Variants in SAMTOR observed in about 807,000 individuals in gnomAD.
The protein encoded by SAMTOR is S-adenosylmethionine sensor upstream of mTORC1, also known as UPF0532 protein C7orf60.
the SAMTOR span, among the ~76,000 whole-genome samples, chr7:112,826,906 T>C: frequency 2.0e-5 from 3 of 152,186 alleles, no homozygotes; most frequent in Non-Finnish European, 4.4e-5. Flanking sequence ...GAAATCTCTA[T>C]AATTTTATCA....
At chr7:112,902,026 A>C in the SAMTOR span, among the ~76,000 whole-genome samples, 7 of 152,178 alleles carry the variant, frequency 4.6e-5, no homozygotes, top group African/African-American at 1.7e-4. Flanking sequence ...AAGTAAAAGA[A>C]GCCAATCAGA....
At chr7:112,886,909 G>A in the SAMTOR span, among the ~76,000 whole-genome samples, 7 of 152,298 alleles carry the variant, frequency 4.6e-5, no homozygotes, top group South Asian at 1.2e-3. Flanking sequence ...GCTCACTCCT[G>A]TAATCCCAGC....
the SAMTOR span, among the ~76,000 whole-genome samples, chr7:112,901,026 A>G: frequency 6.6e-6 from 1 of 152,236 alleles, no homozygotes; most frequent in Non-Finnish European, 1.5e-5. Context: ...TGTAAAAGAA[A>G]AAATTGATAA....
At chr7:112,916,945 T>A in the SAMTOR span, among the ~76,000 whole-genome samples, 1 of 152,140 alleles carries the variant, frequency 6.6e-6, no homozygotes, top group East Asian at 1.9e-4. Context: ...GCAGGGAAGC[T>A]CGAACTGGGT....
At chr7:112,871,984 G>T in the SAMTOR span, among the ~76,000 whole-genome samples, 1 of 152,082 alleles carries the variant, frequency 6.6e-6, no homozygotes, top group African/African-American at 2.4e-5. Context: ...TTCCGAAATT[G>T]AATCAGTAAT....
chr7:112,881,367 C>A, the SAMTOR span, among the ~76,000 whole-genome samples: 1 of 152,176 alleles, frequency 6.6e-6, no homozygotes, highest in Non-Finnish European at 1.5e-5. Context: ...TCAACTCAGC[C>A]AGGGGGCTGA....
the SAMTOR span, among the ~76,000 whole-genome samples, chr7:112,845,656 C>T: frequency 1.3e-5 from 2 of 152,186 alleles, no homozygotes; most frequent in African/African-American, 2.4e-5. Context: ...TTAGTTCAAC[C>T]GTTATGGAAA....
the SAMTOR span, among the ~76,000 whole-genome samples, chr7:112,870,347 C>G: frequency 6.6e-6 from 1 of 151,998 alleles, no homozygotes; most frequent in Admixed American, 6.5e-5. Context: ...AGAAATCTTA[C>G]AAGCCATAAG....
At chr7:112,917,197 AC>A in the SAMTOR span, among the ~76,000 whole-genome samples, 1 of 152,034 alleles carries the variant, frequency 6.6e-6, no homozygotes, top group Admixed American at 6.5e-5. Flanking sequence ...CCTGGGAGGC[AC>A]CCCCCAGTAG....
the SAMTOR span, among the ~76,000 whole-genome samples, chr7:112,932,110 A>C: frequency 6.6e-6 from 1 of 151,966 alleles, no homozygotes; most frequent in Non-Finnish European, 1.5e-5. Context: ...TATTTTTAGT[A>C]GAGACAGGGT....
chr7:112,842,877 T>C, the SAMTOR span, among the ~76,000 whole-genome samples: 1 of 152,010 alleles, frequency 6.6e-6, no homozygotes, highest in Non-Finnish European at 1.5e-5. Context: ...TACTTCCACA[T>C]TAATATATGC....
At chr7:112,922,778 G>A in the SAMTOR span, among the ~76,000 whole-genome samples, 24 of 152,074 alleles carry the variant, frequency 1.6e-4, no homozygotes, top group African/African-American at 5.5e-4. Context: ...CTGTCTGGGA[G>A]GGAGGTGGGG....
At chr7:112,905,964 C>A in the SAMTOR span, among the ~76,000 whole-genome samples, 1 of 151,982 alleles carries the variant, frequency 6.6e-6, no homozygotes, top group African/African-American at 2.4e-5. Flanking sequence ...ACAGATACAC[C>A]TTGACAACCC....
chr7:112,901,602 A>G, the SAMTOR span, among the ~76,000 whole-genome samples: 1 of 152,256 alleles, frequency 6.6e-6, no homozygotes, highest in African/African-American at 2.4e-5. Flanking sequence ...CACTCCAGTC[A>G]ATGGAAAAAT....
chr7:112,924,202 A>T, the SAMTOR span, among the ~76,000 whole-genome samples: 5 of 152,204 alleles, frequency 3.3e-5, no homozygotes, highest in East Asian at 9.6e-4. Flanking sequence ...ATAATAATAA[A>T]AAAAAGAAAA....
chr7:112,905,052 C>A, the SAMTOR span, among the ~76,000 whole-genome samples: 3 of 152,180 alleles, frequency 2.0e-5, no homozygotes, highest in Non-Finnish European at 4.4e-5. Flanking sequence ...TTCCCCACTA[C>A]TAAATCAACT....
At chr7:112,833,971 T>C in the SAMTOR span, among the ~76,000 whole-genome samples, 1 of 152,202 alleles carries the variant, frequency 6.6e-6, no homozygotes, top group Non-Finnish European at 1.5e-5. Flanking sequence ...CCTATTTTAG[T>C]CACTTATCCT....
the SAMTOR span, chr7:112,939,478 G>C: frequency 6.0e-6 from 9 of 1,493,552 alleles, no homozygotes; most frequent in East Asian, 2.4e-5. Flanking sequence ...CGGCTGGGGG[G>C]ACGTGCAGAT....
chr7:112,939,234 C>G, the SAMTOR span: 296 of 276,064 alleles, frequency 1.1e-3, 1 homozygote, highest in African/African-American at 6.2e-3. Context: ...CTTGTTTTAC[C>G]TCGGCGTCTC....
Sources: gnomAD v4.1 joint callset for allele counts (sites outside exome capture counted in the v4.1 genomes callset) on GRCh38, gnomAD v4.1.1 for gene constraint, MANE v1.5 for transcripts, NCBI Gene and HGNC (gene_info 2026-07-23, HGNC 2026-07-21) for gene names.